Variants in ATP10B observed in about 807,000 individuals in gnomAD.
The protein encoded by ATP10B is phospholipid-transporting ATPase VB.
Under a neutral mutation model 141.2 loss-of-function variants are expected in ATP10B, and 122 were observed. The observed-to-expected ratio is 0.86, with a 90% CI of 0.75 to 1.00. The LOEUF is 1.00. Among genes scored for constraint, ATP10B ranks in the 50% least tolerant of loss-of-function variants. The pLI is 0.00. For synonymous variants in ATP10B, 685 were observed against 692.0 expected (o/e 0.99, Z 0.16); for missense variants, 1,876 against 1,825.3 (o/e 1.03, Z -0.51).
chr5:160,753,459 A>T (rs1768301467), intron 2 of ATP10B, among the ~76,000 whole-genome samples: 1 of 152,176 alleles, frequency 6.6e-6, no homozygotes, highest in African/African-American at 2.4e-5. Flanking sequence ...AACATCACTG[A>T]TATACATAAT....
chr5:160,671,164 CAAAAAAAAAAAAA>C (rs1167788105), intron 6 of ATP10B, among the ~76,000 whole-genome samples: 1 of 23,740 alleles, frequency 4.2e-5, no homozygotes, highest in Non-Finnish European at 1.2e-4. Context: ...GACTCTGTCT[CAAAAAAAAAAAAA>C]AAAAAAAAAA....
chr5:160,730,580 G>C (rs1766669816), intron 2 of ATP10B, among the ~76,000 whole-genome samples: 1 of 151,954 alleles, frequency 6.6e-6, no homozygotes, highest in African/African-American at 2.4e-5. Flanking sequence ...TTGTTGGACT[G>C]GATGACTGAG....
chr5:160,770,422 C>CATTTT (rs61142942), intron 2 of ATP10B, among the ~76,000 whole-genome samples: 1 of 152,012 alleles, frequency 6.6e-6, no homozygotes, highest in Non-Finnish European at 1.5e-5. Context: ...GGTATATTTT[C>CATTTT]GTTTTAGCTG....
At chr5:160,763,416 A>G (rs769511712) in intron 2 of ATP10B, among the ~76,000 whole-genome samples, 5 of 152,172 alleles carry the variant, frequency 3.3e-5, no homozygotes, top group Non-Finnish European at 7.4e-5. Flanking sequence ...CGAACCTTCA[A>G]AACTATACAA....
At chr5:160,851,620 A>G (rs767763666) in intron 1 of ATP10B, among the ~76,000 whole-genome samples, 1 of 152,166 alleles carries the variant, frequency 6.6e-6, no homozygotes, top group Non-Finnish European at 1.5e-5. Flanking sequence ...CTGCTTCCTC[A>G]GGCTGCACTG....
chr5:160,643,793 A>G (rs1760063594), intron 9 of ATP10B, among the ~76,000 whole-genome samples: 1 of 152,188 alleles, frequency 6.6e-6, no homozygotes, highest in Non-Finnish European at 1.5e-5. Context: ...TTGAGGCTCC[A>G]AAGGGGAAGT....
intron 7 of ATP10B, among the ~76,000 whole-genome samples, chr5:160,654,326 C>T (rs889255242): frequency 6.6e-6 from 1 of 151,972 alleles, no homozygotes; most frequent in Non-Finnish European, 1.5e-5. Context: ...GTGTAATGTC[C>T]TCTCACTACC....
intron 24 of ATP10B, among the ~76,000 whole-genome samples, chr5:160,580,805 G>A (rs940559385): frequency 2.0e-5 from 3 of 152,166 alleles, no homozygotes; most frequent in Non-Finnish European, 4.4e-5. Flanking sequence ...TCTTTGGTTG[G>A]TAGGCTATTA....
rs556740297 is a variant in ATP10B at position 160,844,209 on chromosome 5, T to C, written c.-576+7732A>G. On this transcript the variant is annotated intron_variant, in intron 1 of 25. Coordinates refer to ENST00000327245, the MANE Select transcript of ATP10B (RefSeq NM_025153.3). ...CATACCCAACAGAAATATATATATA[T>C]ACACACACACACATATATGTGCTAA... Among the ~76,000 whole-genome samples the C allele has an allele frequency of 3.9e-4, 59 of 151,898 alleles. 1 individual carries two copies. In the Middle Eastern group the frequency reaches 0.01, roughly 26 times the overall value.
chr5:160,620,248 C>G, intron 15 of ATP10B, 99 bp downstream of exon 15: 2 of 1,446,852 alleles, frequency 1.4e-6, no homozygotes. Flanking sequence ...ACCTGCCATA[C>G]CAGGTGACAC....
At position 160,649,224 on chromosome 5, in the gene ATP10B, A is replaced by G. The variant is rs1760524362; in HGVS notation, c.708T>C (p.Asn236=). The G allele has an allele frequency of 1.9e-6, 3 of 1,614,018 alleles. No homozygotes were observed. The highest frequency in any genetic ancestry group is 1.7e-6 in the Non-Finnish European group (2 of 1,179,914). The change falls in exon 8 of 26, where the codon AAT becomes AAC. Residue 236 remains asparagine, a synonymous_variant. Coordinates refer to ENST00000327245, the MANE Select transcript of ATP10B (RefSeq NM_025153.3). ...TGTTGGGTTTCTCACACACGATGGTATTGTGGAAAAGCTCTGGTTCGAACT... is the reference window on the plus strand; with the variant it reads ...TGTTGGGTTTCTCACACACGATGGTGTTGTGGAAAAGCTCTGGTTCGAACT... ...EVQFEPELFH[N]TIVCEKPNNH...
chr5:160,918,390 A>G, the ATP10B span, among the ~76,000 whole-genome samples: 1 of 152,240 alleles, frequency 6.6e-6, no homozygotes, highest in Admixed American at 6.5e-5. Context: ...TGGCAATCAC[A>G]GAATTTATCT....
At chr5:160,695,963 T>C (rs1003574135) in intron 3 of ATP10B, among the ~76,000 whole-genome samples, 3 of 152,276 alleles carry the variant, frequency 2.0e-5, no homozygotes, top group African/African-American at 7.2e-5. Flanking sequence ...TAGTCTGGAG[T>C]TAGCAGATCT....
At chr5:160,827,404 T>G (rs1024699338) in intron 1 of ATP10B, among the ~76,000 whole-genome samples, 3 of 152,202 alleles carry the variant, frequency 2.0e-5, no homozygotes, top group Non-Finnish European at 4.4e-5. Context: ...TTTCTCTGAT[T>G]AGTGATGTTG....
chr5:160,896,756 C>T, the ATP10B span, among the ~76,000 whole-genome samples: 4 of 152,080 alleles, frequency 2.6e-5, no homozygotes, highest in African/African-American at 9.7e-5. Context: ...AAATTTCAGG[C>T]CAATATCCCT....
At chr5:160,680,352 G>A (rs1382350082) in intron 6 of ATP10B, among the ~76,000 whole-genome samples, 3 of 152,006 alleles carry the variant, frequency 2.0e-5, no homozygotes, top group Non-Finnish European at 1.5e-5. Flanking sequence ...CATCTGTCAT[G>A]TGTCCTTGAT....
At chr5:160,818,167 AG>A (rs1773815276) in intron 1 of ATP10B, among the ~76,000 whole-genome samples, 1 of 152,206 alleles carries the variant, frequency 6.6e-6, no homozygotes, top group South Asian at 2.1e-4. Context: ...ATTAAACTAA[AG>A]AGCTTCTGCA....
At chr5:160,617,069 C>A (rs79058022) in intron 16 of ATP10B, among the ~76,000 whole-genome samples, 7,667 of 152,242 alleles carry the variant, frequency 0.05, 332 homozygotes, top group East Asian at 0.22. Context: ...AGTGGGCACT[C>A]CTGATCTCTA....
chr5:160,833,704 A>G (rs1775248641), intron 1 of ATP10B, among the ~76,000 whole-genome samples: 1 of 152,200 alleles, frequency 6.6e-6, no homozygotes, highest in African/African-American at 2.4e-5. Context: ...TGGACAATTT[A>G]TAAACAGATG....
Sources: gnomAD v4.1 joint callset for allele counts (sites outside exome capture counted in the v4.1 genomes callset) on GRCh38, gnomAD v4.1.1 for gene constraint, MANE v1.5 for transcripts, NCBI Gene and HGNC (gene_info 2026-07-23, HGNC 2026-07-21) for gene names.